The following PCDH15 variants were observed in gnomAD, a reference collection of about 807,000 sequenced individuals.
PCDH15 encodes the protein protocadherin related 15, also known as protocadherin-15.
In PCDH15, 129 loss-of-function variants were observed where a neutral mutation model predicts 178.5. That is an observed-to-expected ratio of 0.72 (90% confidence interval 0.63 to 0.84). The LOEUF is 0.84. PCDH15 is among the 40% of genes least tolerant of loss of function. PCDH15 has a pLI of 0.00. For missense variants in PCDH15, 2,230 were observed against 2,099.9 expected, an observed-to-expected ratio of 1.06 and a Z score of -1.21; for synonymous variants, 800 against 732.0, an observed-to-expected ratio of 1.09 and a Z score of -1.50.
In PCDH15 at chr10:54,023,027, G is replaced by T. The variant is rs748017277; in HGVS notation, c.2391C>A (p.His797Gln). 1 of 1,613,950 alleles carries T rather than the reference G, an allele frequency of 6.2e-7. No homozygotes were observed. Among genetic ancestry groups the T allele is most frequent in the South Asian group, 1.1e-5 (1 of 91,080 alleles). ...LVVVATDGAV[H>Q]PRHSTLTLAI... Reference sequence around the variant, plus strand: ...CCAAGGTTAGAGTTGAATGACGAGGGTGTACTGCTCCATCTGTTGCCACAA... The same window carrying T: ...CCAAGGTTAGAGTTGAATGACGAGGTTGTACTGCTCCATCTGTTGCCACAA... The change falls in exon 19 of 38, where the codon CAC becomes CAA. Residue 797 changes from histidine to glutamine, a missense_variant. Coordinates refer to ENST00000644397, the MANE Select transcript of PCDH15 (RefSeq NM_001384140.1).
At position 53,806,459 on chromosome 10, in the gene PCDH15, C is replaced by CAA. The variant is rs1335085378; in HGVS notation, c.*118_*119dup. ...TCTTAAAATTTTAAAGCATATTGTT[C>CAA]AAAGTTTTAGCTTGTGTGCATGATA... On this transcript the variant is annotated 3_prime_UTR_variant, in exon 38 of 38. Transcript: ENST00000644397. 9.3e-6 allele frequency: 8 copies of CAA among 860,542 alleles called. No individual in the cohort carries two copies. The highest frequency in any genetic ancestry group is 1.4e-5 in the Non-Finnish European group (8 of 574,906). The allele number at this position is 860,542 out of a possible 1,614,324, so 53.3% of individuals were successfully genotyped here.
At chr10:53,881,323 G>T (rs757807089) in intron 26 of PCDH15, among the ~76,000 whole-genome samples, 21 of 152,092 alleles carry the variant, frequency 1.4e-4, no homozygotes, top group African/African-American at 3.6e-4. Flanking sequence ...GGGTGGGAGA[G>T]GGTGAAGGAT....
intron 2 of PCDH15, among the ~76,000 whole-genome samples, chr10:55,520,338 A>ATATATATACACACAATGTG (rs1841144013): frequency 7.1e-6 from 1 of 141,074 alleles, no homozygotes; most frequent in Admixed American, 7.2e-5. Flanking sequence ...ATATATATAT[A>ATATATATACACACAATGTG]TATATATATA....
chr10:54,716,146 G>T (rs922654208), intron 1 of PCDH15, among the ~76,000 whole-genome samples: 1 of 152,088 alleles, frequency 6.6e-6, no homozygotes, highest in African/African-American at 2.4e-5. Flanking sequence ...AAACCTGTGG[G>T]TGGGCCTGCT....
intron 20 of PCDH15, among the ~76,000 whole-genome samples, chr10:54,005,764 TA>T (rs1418032420): frequency 6.6e-6 from 1 of 151,682 alleles, no homozygotes; most frequent in East Asian, 1.9e-4. Context: ...CCTATAAAAC[TA>T]AAAATAGAGC....
chr10:54,477,276 AC>A (rs1224025906), intron 3 of PCDH15, among the ~76,000 whole-genome samples: 1 of 152,076 alleles, frequency 6.6e-6, no homozygotes, highest in Non-Finnish European at 1.5e-5. Flanking sequence ...CTTTCCTCAC[AC>A]ATACTCCTCT....
At chr10:55,606,513 T>C (rs1176288636) in intron 2 of PCDH15, among the ~76,000 whole-genome samples, 1 of 147,106 alleles carries the variant, frequency 6.8e-6, no homozygotes, top group Non-Finnish European at 1.5e-5. Flanking sequence ...AAGGCTACAG[T>C]AACCAAAACA....
intron 32 of PCDH15, 128 bp downstream of exon 32, chr10:53,827,265 C>T: frequency 7.7e-7 from 1 of 1,291,476 alleles, no homozygotes; most frequent in Non-Finnish European, 1.0e-6. Context: ...CAAATTTTCT[C>T]TTGAAAATAA....
chr10:54,449,452 A>G (rs538917824), intron 3 of PCDH15, among the ~76,000 whole-genome samples: 17 of 151,726 alleles, frequency 1.1e-4, no homozygotes, highest in Non-Finnish European at 2.5e-4. Context: ...GGTAAATATA[A>G]CCTTCTCTAT....
chr10:54,087,634 A>G (rs1468575855), intron 16 of PCDH15, among the ~76,000 whole-genome samples: 1 of 152,286 alleles, frequency 6.6e-6, no homozygotes, highest in East Asian at 1.9e-4. Flanking sequence ...ACTATTATGT[A>G]GATGCACGTC....
chr10:53,946,307 C>T (rs549407373), intron 23 of PCDH15, among the ~76,000 whole-genome samples: 20 of 152,216 alleles, frequency 1.3e-4, no homozygotes, highest in African/African-American at 4.3e-4. Flanking sequence ...ATCTTCCACA[C>T]GGTGAGAGTT....
intron 3 of PCDH15, among the ~76,000 whole-genome samples, chr10:54,449,223 T>C (rs2076321269): frequency 2.6e-5 from 4 of 151,818 alleles, no homozygotes; most frequent in Admixed American, 2.0e-4. Flanking sequence ...TGAGCCCTTT[T>C]TGTTGTGGAT....
chr10:54,743,169 G>C (rs1459895307), intron 1 of PCDH15, among the ~76,000 whole-genome samples: 1 of 151,966 alleles, frequency 6.6e-6, no homozygotes, highest in South Asian at 2.1e-4. Context: ...TTTTCCAGAA[G>C]ATAAATGTTC....
At chr10:55,052,090 AT>A (rs760975471) in intron 2 of PCDH15, among the ~76,000 whole-genome samples, 1,603 of 142,194 alleles carry the variant, frequency 0.011, 11 homozygotes, top group East Asian at 0.021. Context: ...AATCGATACG[AT>A]TTTTTTTTTT....
chr10:55,354,008 A>T (rs1384500086), intron 2 of PCDH15, among the ~76,000 whole-genome samples: 1 of 151,858 alleles, frequency 6.6e-6, no homozygotes, highest in East Asian at 1.9e-4. Flanking sequence ...CTTGCCCAAC[A>T]CCCCTTCACC....
At chr10:55,568,434 G>GT (rs1564458292) in intron 2 of PCDH15, among the ~76,000 whole-genome samples, 1 of 151,938 alleles carries the variant, frequency 6.6e-6, no homozygotes, top group Non-Finnish European at 1.5e-5. Context: ...TTTAAAGATT[G>GT]TAAGAGTTCT....
intron 2 of PCDH15, among the ~76,000 whole-genome samples, chr10:55,137,739 A>G (rs1838236905): frequency 6.6e-6 from 1 of 152,166 alleles, no homozygotes; most frequent in African/African-American, 2.4e-5. Context: ...AAGCTTTAAA[A>G]GTTCATAGAC....
intron 3 of PCDH15, among the ~76,000 whole-genome samples, chr10:54,852,881 A>AAAATAAAATG (rs1953649705): frequency 6.6e-6 from 1 of 151,356 alleles, no homozygotes; most frequent in South Asian, 2.1e-4. Context: ...AAAATAAAAT[A>AAAATAAAATG]AAATAAATTA....
At chr10:55,554,798 A>G (rs997220865) in intron 2 of PCDH15, among the ~76,000 whole-genome samples, 2 of 152,008 alleles carry the variant, frequency 1.3e-5, no homozygotes, top group African/African-American at 2.4e-5. Flanking sequence ...ATGTCCTTTT[A>G]TGTTCTAGTA....
Sources: gnomAD v4.1 joint callset for allele counts (sites outside exome capture counted in the v4.1 genomes callset) on GRCh38, gnomAD v4.1.1 for gene constraint, MANE v1.5 for transcripts, NCBI Gene and HGNC (gene_info 2026-07-23, HGNC 2026-07-21) for gene names.